BAZ2B: variants seen among roughly 807,000 people sequenced by gnomAD.
BAZ2B encodes bromodomain adjacent to zinc finger domain protein 2B.
Under a neutral mutation model 246.0 loss-of-function variants are expected in BAZ2B, and 91 were observed. The ratio of observed to expected loss-of-function variants is 0.37; its 90% CI spans 0.31 to 0.44. BAZ2B has a LOEUF of 0.44. BAZ2B is among the 20% of genes least tolerant of loss of function. The pLI, the probability that BAZ2B is intolerant of heterozygous loss-of-function variation, is 1.00. For synonymous variants in BAZ2B, 855 were observed against 860.0 expected, an observed-to-expected ratio of 0.99 and a Z score of 0.10; for missense variants, 2,332 against 2,533.7, an observed-to-expected ratio of 0.92 and a Z score of 1.71.
chr2:159,629,203 G>A, the BAZ2B span, among the ~76,000 whole-genome samples: 1 of 152,158 alleles, frequency 6.6e-6, no homozygotes, highest in African/African-American at 2.4e-5. Flanking sequence ...TAGAGAAATA[G>A]GTATGCTTTT....
chr2:159,691,953 G>A, the BAZ2B span, among the ~76,000 whole-genome samples: 11 of 152,154 alleles, frequency 7.2e-5, no homozygotes, highest in African/African-American at 2.7e-4. Flanking sequence ...ACTTTATGCA[G>A]TTATTAATAC....
Position 159,337,384 on chromosome 2 carries a change from T to C in BAZ2B, c.5660+183A>G, listed in dbSNP as rs897364349. 6.5e-6 allele frequency: 9 copies of C among 1,393,490 alleles called. No homozygotes were observed. The African/African-American group carries it at 7.2e-5, about 11-fold the overall frequency. The allele number at this position is 1,393,490 out of a possible 1,614,324, so 86.3% of individuals were successfully genotyped here. A position where few individuals can be genotyped will look rare whatever the true frequency, so the allele number is the denominator to read the frequency against. Reference sequence around the variant, plus strand: ...GATCACAGACATACAAGAAGATACATAGATAACAGGCAATAGAAAATAGGC... The same window carrying C: ...GATCACAGACATACAAGAAGATACACAGATAACAGGCAATAGAAAATAGGC... On this transcript the variant is annotated intron_variant, in intron 32 of 36. Transcript: ENST00000392783.
At chr2:159,422,867 AT>A (rs1206547003) in intron 13 of BAZ2B, among the ~76,000 whole-genome samples, 1 of 152,198 alleles carries the variant, frequency 6.6e-6, no homozygotes, top group African/African-American at 2.4e-5. Flanking sequence ...CAAACAAAAA[AT>A]AACCCCATTA....
chr2:159,633,199 T>C, the BAZ2B span, among the ~76,000 whole-genome samples: 13 of 152,238 alleles, frequency 8.5e-5, no homozygotes, highest in Non-Finnish European at 1.5e-4. Context: ...GAAAGTCTAT[T>C]TTTAAAAGAG....
the BAZ2B span, among the ~76,000 whole-genome samples, chr2:159,663,855 CTTTTTTTTTTTTTTTTTTT>C: frequency 1.1e-5 from 1 of 92,498 alleles, no homozygotes; most frequent in Non-Finnish European, 2.0e-5. Flanking sequence ...AAACCATTTT[CTTTTTTTTTTTTTTTTTTT>C]TTTTTTTTTT....
chr2:159,709,137 T>C, the BAZ2B span, among the ~76,000 whole-genome samples: 54,685 of 120,944 alleles, frequency 0.45, 10,100 homozygotes, highest in South Asian at 0.54. Context: ...TTGGGCTGGA[T>C]AAAAAAAGAA....
At chr2:159,531,924 C>T (rs755226443) in intron 2 of BAZ2B, among the ~76,000 whole-genome samples, 2 of 152,188 alleles carry the variant, frequency 1.3e-5, no homozygotes, top group African/African-American at 2.4e-5. Flanking sequence ...TATCTATACA[C>T]TTACATATAC....
At chr2:159,393,604 G>A (rs1041202863) in intron 20 of BAZ2B, among the ~76,000 whole-genome samples, 3 of 139,928 alleles carry the variant, frequency 2.1e-5, no homozygotes, top group Non-Finnish European at 4.8e-5. Context: ...TTGCCCATGA[G>A]TATTCTGTAT....
intron 34 of BAZ2B, among the ~76,000 whole-genome samples, chr2:159,326,602 G>T (rs1261341771): frequency 6.6e-6 from 1 of 152,194 alleles, no homozygotes; most frequent in Non-Finnish European, 1.5e-5. Flanking sequence ...CGAAGGATAT[G>T]AATTCCAGCT....
At chr2:159,533,513 T>TC (rs1365909127) in intron 2 of BAZ2B, among the ~76,000 whole-genome samples, 2 of 152,146 alleles carry the variant, frequency 1.3e-5, no homozygotes, top group Admixed American at 1.3e-4. Flanking sequence ...TATCTTAATT[T>TC]CCCCACAAAC....
At chr2:159,453,895 T>C (rs2075397735) in intron 3 of BAZ2B, 94 bp from the exon 4 acceptor site, 14 of 1,085,214 alleles carry the variant, frequency 1.3e-5, no homozygotes, top group Non-Finnish European at 1.7e-5. Flanking sequence ...TATAATAATT[T>C]ACCTATTACA....
chr2:159,678,980 G>C, the BAZ2B span, among the ~76,000 whole-genome samples: 1 of 152,180 alleles, frequency 6.6e-6, no homozygotes, highest in Non-Finnish European at 1.5e-5. Context: ...CACTACTCAA[G>C]ATGTTGAATG....
chr2:159,588,186 G>GCCTGGGTGACAGACCAAGAC (rs1209338073), intron 1 of BAZ2B, among the ~76,000 whole-genome samples: 1 of 138,980 alleles, frequency 7.2e-6, no homozygotes, highest in African/African-American at 2.8e-5. Context: ...CTGCACTTCA[G>GCCTGGGTGACAGACCAAGAC]CCTGGGTGAC....
chr2:159,517,449 A>G (rs1308501054), intron 2 of BAZ2B, among the ~76,000 whole-genome samples: 1 of 152,086 alleles, frequency 6.6e-6, no homozygotes, highest in Non-Finnish European at 1.5e-5. Flanking sequence ...ACTACTTAAA[A>G]AAATCTAGAT....
chr2:159,385,954 C>T (rs756392944), intron 22 of BAZ2B, among the ~76,000 whole-genome samples: 11 of 152,132 alleles, frequency 7.2e-5, no homozygotes, highest in Non-Finnish European at 8.8e-5. Flanking sequence ...AGGGTCTTAA[C>T]GTGCTGGTCT....
At position 159,382,713 on chromosome 2, in the gene BAZ2B, G is replaced by A. The variant is rs2149506512; in HGVS notation, c.3851C>T (p.Pro1284Leu). Residue 1284 changes from proline (P) to leucine (L), a missense_variant, in exon 25 of 37, where the codon CCC becomes CTC. Pro to Leu is a moderately conservative substitution (Grantham distance 98). This residue lies in a region of BAZ2B where 328 missense variants were observed against 410.4 expected (regional missense o/e 0.80). Transcript: ENST00000392783. ...CCTTCTTCGCTTGCGTCCTGGAGTG[G>A]GTGTGCCCAAGGGATGCTGCTCTTC... Reference protein sequence around the residue: ...LGEEQHPLGTPTPGRKRRRKG... With the variant: ...LGEEQHPLGTLTPGRKRRRKG... 6.2e-7 allele frequency: 1 copy of A among 1,613,390 alleles called. No individual in the cohort carries two copies. The highest frequency in any genetic ancestry group is 2.2e-5 in the East Asian group (1 of 44,812).
At chr2:159,413,842 G>A (rs887583409) in intron 13 of BAZ2B, among the ~76,000 whole-genome samples, 3 of 151,402 alleles carry the variant, frequency 2.0e-5, no homozygotes, top group African/African-American at 7.3e-5. Context: ...AACCACTATG[G>A]AGAACAGTTC....
At position 159,473,821 on chromosome 2, in the gene BAZ2B, TGGTAGTCATTCAGGACCA is replaced by T. The variant is rs2078146740; in HGVS notation, c.145+4736_145+4753del. ...TTCTGCCTTCATTTCATTATTTACC[TGGTAGTCATTCAGGACCA>T]GGTTATTCAGTTTCCATGCAGTTGT... On this transcript the variant is annotated intron_variant, in intron 3 of 36. Coordinates refer to ENST00000392783, the MANE Select transcript of BAZ2B (RefSeq NM_013450.4). 5.3e-5 allele frequency among the ~76,000 whole-genome samples: 8 copies of T among 152,282 alleles called. No homozygotes were observed. In the South Asian group the frequency reaches 1.7e-3, roughly 32 times the overall value.
At chr2:159,405,496 C>T (rs1441939332) in intron 14 of BAZ2B, among the ~76,000 whole-genome samples, 1 of 152,182 alleles carries the variant, frequency 6.6e-6, no homozygotes, top group African/African-American at 2.4e-5. Context: ...CAGGTGTGAG[C>T]CACCACTCCC....
Sources: allele counts gnomAD v4.1 joint callset (sites outside exome capture counted in the v4.1 genomes callset), GRCh38; gene constraint gnomAD v4.1.1; regional missense constraint gnomAD v4.1.1; transcripts MANE v1.5; gene names NCBI Gene and HGNC (gene_info 2026-07-23, HGNC 2026-07-21).